The following ATP2B2 variants were observed in gnomAD, a reference collection of about 807,000 sequenced individuals.
The protein encoded by ATP2B2 is plasma membrane calcium-transporting ATPase 2.
Under a neutral mutation model 120.0 loss-of-function variants are expected in ATP2B2, and 15 were observed. The observed-to-expected ratio is 0.12, with a 90% confidence interval of 0.08 to 0.19. The LOEUF (loss-of-function observed/expected upper bound fraction) is 0.19. Ranked by LOEUF, ATP2B2 falls within the 10% of genes least tolerant of loss-of-function variation. The probability of loss-of-function intolerance (pLI) is 1.00; values close to 1 mark genes in which losing one functional copy is unlikely to be tolerated. For missense variants in ATP2B2, 1,045 were observed against 1,719.8 expected, an observed-to-expected ratio of 0.61 and a Z score of 6.94; for synonymous variants, 694 against 700.3, an observed-to-expected ratio of 0.99 and a Z score of 0.14.
rs565319840 is a variant in ATP2B2 at position 10,441,406 on chromosome 3, A to T, written c.199+7939T>A. Among the ~76,000 whole-genome samples the T allele has an allele frequency of 3.3e-5, 5 of 152,120 alleles. No homozygotes were observed. The South Asian group carries it at 1.0e-3, about 32-fold the overall frequency. ...AGGCGTGCGCCATCACACCCAGCTC[A>T]TTTTTGTATTTTTAGTAGAGATGGG... On this transcript the variant is annotated intron_variant, in intron 2 of 22. Transcript: ENST00000360273.
intron 1 of ATP2B2, among the ~76,000 whole-genome samples, chr3:10,672,062 T>C (rs1015412288): frequency 4.6e-5 from 7 of 152,254 alleles, no homozygotes; most frequent in Admixed American, 4.6e-4. Flanking sequence ...TATGATTTTA[T>C]GCAGTGTGAC....
At chr3:10,659,155 G>C (rs2070715209) in intron 1 of ATP2B2, among the ~76,000 whole-genome samples, 1 of 152,182 alleles carries the variant, frequency 6.6e-6, no homozygotes, top group African/African-American at 2.4e-5. Context: ...AAATTGTAAA[G>C]ACCATCGATG....
intron 1 of ATP2B2, among the ~76,000 whole-genome samples, chr3:10,451,508 G>T (rs1293682583): frequency 6.6e-6 from 1 of 152,172 alleles, no homozygotes; most frequent in African/African-American, 2.4e-5. Flanking sequence ...GTGTGTTTCT[G>T]GATTTGGGGC....
intron 5 of ATP2B2, among the ~76,000 whole-genome samples, chr3:10,390,590 C>T (rs2061820354): frequency 6.6e-6 from 1 of 152,054 alleles, no homozygotes; most frequent in South Asian, 2.1e-4. Flanking sequence ...TACAGAGAGA[C>T]AGACACTCTC....
rs1034674243 is a variant in ATP2B2 at position 10,533,689 on chromosome 3, G to A, written c.-320+350C>T. ...GTGGCTGGCTTTTCATTCAGGCACCGGTCTATCCTCCCAGGGCAGAGGCAG... is the reference window on the plus strand; with the variant it reads ...GTGGCTGGCTTTTCATTCAGGCACCAGTCTATCCTCCCAGGGCAGAGGCAG... On this transcript the variant is annotated intron_variant, in intron 3 of 21. Coordinates refer to the ATP2B2 transcript ENST00000646379. 2.6e-5 allele frequency among the ~76,000 whole-genome samples: 4 copies of A among 152,172 alleles called. No homozygotes were observed. The East Asian group carries it at 5.8e-4, about 22-fold the overall frequency.
intron 2 of ATP2B2, among the ~76,000 whole-genome samples, chr3:10,580,662 G>A (rs1049385066): frequency 6.6e-6 from 1 of 151,876 alleles, no homozygotes. Context: ...CTGCTCCCAC[G>A]CCTTGTTCTT....
At chr3:10,598,100 C>T (rs1312657583) in intron 2 of ATP2B2, among the ~76,000 whole-genome samples, 1 of 152,120 alleles carries the variant, frequency 6.6e-6, no homozygotes, top group Non-Finnish European at 1.5e-5. Context: ...CCTCAGAACA[C>T]AAAAGTCTCA....
chr3:10,664,912 T>C (rs11719375), intron 1 of ATP2B2, among the ~76,000 whole-genome samples: 59,514 of 152,036 alleles, frequency 0.39, 17,477 homozygotes, highest in African/African-American at 0.81. Flanking sequence ...ACCTGGGAGC[T>C]ATTTGGACAC....
chr3:10,522,399 T>A (rs1395091617), intron 3 of ATP2B2, among the ~76,000 whole-genome samples: 2 of 152,200 alleles, frequency 1.3e-5, no homozygotes, highest in African/African-American at 4.8e-5. Flanking sequence ...TCTGTTTGAC[T>A]GCACAGCCTG....
At chr3:10,379,094 C>A in intron 9 of ATP2B2, 149 bp downstream of exon 9, 1 of 967,492 alleles carries the variant, frequency 1.0e-6, no homozygotes, top group South Asian at 1.4e-5. Context: ...CCATGCAAAT[C>A]ACAGCTACAC....
At chr3:10,616,074 CACT>C (rs1263474404) in intron 2 of ATP2B2, among the ~76,000 whole-genome samples, 2 of 152,190 alleles carry the variant, frequency 1.3e-5, no homozygotes. Flanking sequence ...CCCCCGATCC[CACT>C]ACAGTTCCAA....
At chr3:10,672,900 C>T (rs2071135949) in intron 1 of ATP2B2, among the ~76,000 whole-genome samples, 1 of 152,158 alleles carries the variant, frequency 6.6e-6, no homozygotes, top group South Asian at 2.1e-4. Flanking sequence ...CCCTAGGGGT[C>T]TCAGCCAGTC....
At position 10,385,259 on chromosome 3, in the gene ATP2B2, G is replaced by C; in HGVS notation, c.1000+9C>G. ...AACCATGACCAGGAGCTCGCCGTGG[G>C]AGACATACCATTGACTAGGCTGGCA... On this transcript the variant is annotated intron_variant, in intron 8 of 22. Coordinates refer to ENST00000360273, the MANE Select transcript of ATP2B2 (RefSeq NM_001001331.4). 6.2e-7 allele frequency: 1 copy of C among 1,613,578 alleles called. No homozygotes were observed. The highest frequency in any genetic ancestry group is 8.5e-7 in the Non-Finnish European group (1 of 1,179,776).
chr3:10,600,702 C>T (rs1040934863), intron 2 of ATP2B2, among the ~76,000 whole-genome samples: 2 of 152,296 alleles, frequency 1.3e-5, no homozygotes, highest in Admixed American at 6.5e-5. Context: ...CTGACTCTGG[C>T]TTGCACAGGG....
chr3:10,546,350 AC>A (rs2067546193), intron 2 of ATP2B2, among the ~76,000 whole-genome samples: 1 of 152,142 alleles, frequency 6.6e-6, no homozygotes, highest in African/African-American at 2.4e-5. Context: ...AGCCTCCCCT[AC>A]AAATGATGCC....
Position 10,343,006 on chromosome 3 carries a change from C to T in ATP2B2, c.2704-41G>A, listed in dbSNP as rs140138749. The T allele has an allele frequency of 9.8e-5, 157 of 1,600,494 alleles. No homozygotes were observed. Among genetic ancestry groups the T allele is most frequent in the Admixed American group, 1.8e-4 (11 of 59,974 alleles). ...AGAGGGCTGTCACCTGTGCGCCCAC[C>T]TGCTGCTGTGAAGTGCTGGGCGGGC... On this transcript the variant is annotated intron_variant, in intron 18 of 22. Transcript: ENST00000360273. The surrounding 1 kb of genome is among the most constrained non-coding windows in gnomAD (Gnocchi z 4.2).
intron 2 of ATP2B2, among the ~76,000 whole-genome samples, chr3:10,589,879 T>C (rs2068601627): frequency 1.3e-5 from 2 of 152,236 alleles, no homozygotes; most frequent in Admixed American, 1.3e-4. Flanking sequence ...TTTGTGCAGT[T>C]TCTTATAAGG....
chr3:10,367,973 A>G (rs2061115020), intron 12 of ATP2B2, among the ~76,000 whole-genome samples: 1 of 152,242 alleles, frequency 6.6e-6, no homozygotes, highest in South Asian at 2.1e-4. Context: ...GGGCTGGGAT[A>G]TGAACCTGGT....
intron 3 of ATP2B2, among the ~76,000 whole-genome samples, chr3:10,511,755 C>G (rs1361466693): frequency 6.6e-5 from 10 of 152,196 alleles, no homozygotes; most frequent in Admixed American, 1.3e-4. Context: ...CCCCTCCAAG[C>G]TACCTACAAC....
Sources: allele counts gnomAD v4.1 joint callset (sites outside exome capture counted in the v4.1 genomes callset), GRCh38; gene constraint gnomAD v4.1.1; non-coding constraint Gnocchi (gnomAD v3.1); transcripts MANE v1.5; gene names NCBI Gene and HGNC (gene_info 2026-07-23, HGNC 2026-07-21).